The following IRAK3 variants were observed in gnomAD, a reference collection of about 807,000 sequenced individuals.
The protein encoded by IRAK3 is interleukin-1 receptor-associated kinase 3.
Under a neutral mutation model 56.6 loss-of-function variants are expected in IRAK3, and 57 were observed. That is an observed-to-expected ratio of 1.01 (90% CI 0.81 to 1.26). The LOEUF (loss-of-function observed/expected upper bound fraction) is 1.26. Ranked by LOEUF, IRAK3 falls within the 50% of genes most tolerant of loss-of-function variation. The pLI is 0.00. For synonymous variants in IRAK3, 258 were observed against 255.7 expected, an observed-to-expected ratio of 1.01 and a Z score of -0.09; for missense variants, 703 against 719.0, an observed-to-expected ratio of 0.98 and a Z score of 0.25.
At chr12:66,236,277 G>A (rs2052906678) in intron 8 of IRAK3, among the ~76,000 whole-genome samples, 1 of 151,728 alleles carries the variant, frequency 6.6e-6, no homozygotes, top group Non-Finnish European at 1.5e-5. Context: ...GGCCGGGTGA[G>A]GTGGCTCACA....
At chr12:66,209,355 G>A (rs1841262093) in intron 2 of IRAK3, 101 bp from the exon 3 acceptor site, 1 of 742,076 alleles carries the variant, frequency 1.3e-6, no homozygotes, top group Middle Eastern at 3.7e-4. Flanking sequence ...CTTTAGAAAT[G>A]AACAATGGCT....
At chr12:66,247,410 C>T (rs943770074) in intron 11 of IRAK3, among the ~76,000 whole-genome samples, 2 of 152,196 alleles carry the variant, frequency 1.3e-5, no homozygotes, top group African/African-American at 4.8e-5. Flanking sequence ...AATGTAGAGA[C>T]TTGCCCAAGT....
At chr12:66,234,163 C>T in intron 8 of IRAK3, 2 of 1,614,168 alleles carry the variant, frequency 1.2e-6, no homozygotes, top group Non-Finnish European at 8.5e-7. Context: ...CAACAGGAGC[C>T]GCTGTCGTCT....
intron 1 of IRAK3, among the ~76,000 whole-genome samples, chr12:66,199,343 A>C (rs746974163): frequency 2.0e-4 from 31 of 152,186 alleles, no homozygotes; most frequent in Non-Finnish European, 3.7e-4. Flanking sequence ...CACTAAATAC[A>C]TGTGTTCCTG....
intron 6 of IRAK3, among the ~76,000 whole-genome samples, chr12:66,221,196 G>T (rs572995143): frequency 6.6e-6 from 1 of 152,230 alleles, no homozygotes; most frequent in Admixed American, 6.5e-5. Context: ...TAGACACATA[G>T]TTGATTTTTA....
chr12:66,198,383 C>T (rs1356707783), intron 1 of IRAK3, among the ~76,000 whole-genome samples: 7 of 152,202 alleles, frequency 4.6e-5, no homozygotes, highest in African/African-American at 1.7e-4. Flanking sequence ...CTTCCCTCTG[C>T]CCTCTTGTGT....
chr12:66,229,225 A>G (rs911001298), intron 8 of IRAK3, among the ~76,000 whole-genome samples: 2 of 152,204 alleles, frequency 1.3e-5, no homozygotes, highest in Non-Finnish European at 2.9e-5. Flanking sequence ...AGCAACCCCA[A>G]TGTTCATTTT....
Position 66,247,996 on chromosome 12 carries a change from G to A in IRAK3, c.1616G>A (p.Cys539Tyr), listed in dbSNP as rs2136955707. 6.2e-7 allele frequency: 1 copy of A among 1,603,114 alleles called. No individual in the cohort carries two copies. Among genetic ancestry groups the A allele is most frequent in the East Asian group, 2.2e-5 (1 of 44,802 alleles). Residue 539 changes from cysteine (C) to tyrosine (Y), a missense_variant, in exon 12 of 12, where the codon TGT becomes TAT. Physicochemically the swap from Cys to Tyr is radical, Grantham distance 194. Coordinates refer to ENST00000261233, the MANE Select transcript of IRAK3 (RefSeq NM_007199.3). ...GCTTGCAACATGCCCAGTTCTTCTT[G>A]TGAAGAAAGTTGGTTCCCAAAGTAT... The part of the protein sequence containing the change: ...EEACNMPSSS[C>Y]EESWFPKYIV...
Position 66,248,057 on chromosome 12 carries a change from A to G in IRAK3, c.1677A>G (p.Val559=), listed in dbSNP as rs747959978. The change falls in exon 12 of 12, where the codon GTA becomes GTG. Residue 559 remains valine (V), a synonymous_variant. Coordinates refer to ENST00000261233, the MANE Select transcript of IRAK3 (RefSeq NM_007199.3). The part of the protein sequence containing the change: ...VPSQDLRPYK[V]NIDPSSEAPG... ...CCCAGGACTTAAGGCCCTATAAGGTAAATATAGATCCTTCTTCAGAAGCTC... is the reference window on the plus strand; with the variant it reads ...CCCAGGACTTAAGGCCCTATAAGGTGAATATAGATCCTTCTTCAGAAGCTC... The G allele has an allele frequency of 4.4e-6, 7 of 1,587,966 alleles. No homozygotes were observed. The highest frequency in any genetic ancestry group is 1.4e-5 in the African/African-American group (1 of 73,416).
At chr12:66,239,838 A>G (rs1262689411) in intron 8 of IRAK3, among the ~76,000 whole-genome samples, 2 of 152,182 alleles carry the variant, frequency 1.3e-5, no homozygotes, top group Admixed American at 6.5e-5. Context: ...ATTTACTTAT[A>G]TACATAGATA....
At chr12:66,224,957 G>T (rs2052770444) in intron 6 of IRAK3, among the ~76,000 whole-genome samples, 1 of 152,176 alleles carries the variant, frequency 6.6e-6, no homozygotes, top group African/African-American at 2.4e-5. Flanking sequence ...TGTAGCAAAA[G>T]ATTGGGTGGC....
intron 8 of IRAK3, among the ~76,000 whole-genome samples, chr12:66,240,202 C>A (rs1235301227): frequency 6.6e-6 from 1 of 152,140 alleles, no homozygotes; most frequent in Admixed American, 6.5e-5. Flanking sequence ...CTGGTAAGAA[C>A]CCCGTGAAGT....
chr12:66,221,373 C>T (rs1043427117), intron 6 of IRAK3, among the ~76,000 whole-genome samples: 22 of 152,084 alleles, frequency 1.4e-4, no homozygotes, highest in African/African-American at 5.1e-4. Context: ...CCTAATTGCT[C>T]TGGCTAGGAC....
At chr12:66,194,048 A>G (rs932770474) in intron 1 of IRAK3, among the ~76,000 whole-genome samples, 3 of 151,734 alleles carry the variant, frequency 2.0e-5, no homozygotes, top group Non-Finnish European at 2.9e-5. Context: ...CCCACCTCAG[A>G]CTCCCAAATA....
At chr12:66,223,146 T>C (rs1013359637) in intron 6 of IRAK3, among the ~76,000 whole-genome samples, 2 of 152,098 alleles carry the variant, frequency 1.3e-5, no homozygotes, top group South Asian at 4.1e-4. Context: ...CCATTTTCAC[T>C]TCTTTTGTGG....
intron 2 of IRAK3, among the ~76,000 whole-genome samples, chr12:66,204,778 G>GCGCGCACACACA (rs1026097833): frequency 6.1e-5 from 9 of 147,922 alleles, no homozygotes; most frequent in African/African-American, 1.7e-4. Flanking sequence ...GAGCCCTTGC[G>GCGCGCACACACA]CACACACACA....
At chr12:66,227,170 C>T (rs1368244414) in intron 7 of IRAK3, among the ~76,000 whole-genome samples, 1 of 152,084 alleles carries the variant, frequency 6.6e-6, no homozygotes, top group East Asian at 1.9e-4. Flanking sequence ...ACTCTTATTC[C>T]TTAAATAATT....
At chr12:66,226,602 T>A in intron 6 of IRAK3, 121 bp from the exon 7 acceptor site, 2 of 708,268 alleles carry the variant, frequency 2.8e-6, no homozygotes, top group Non-Finnish European at 2.6e-6. Context: ...TGTGTCCGGC[T>A]GAATTTATAT....
chr12:66,211,983 C>G (rs1420597647), intron 5 of IRAK3, among the ~76,000 whole-genome samples: 1 of 151,978 alleles, frequency 6.6e-6, no homozygotes, highest in African/African-American at 2.4e-5. Flanking sequence ...TGGTGGTATG[C>G]TCCTGTAGTC....
Sources: allele counts gnomAD v4.1 joint callset (sites outside exome capture counted in the v4.1 genomes callset), GRCh38; gene constraint gnomAD v4.1.1; transcripts MANE v1.5; gene names NCBI Gene and HGNC (gene_info 2026-07-23, HGNC 2026-07-21).